MTPAP: variants seen among roughly 807,000 people sequenced by gnomAD.
MTPAP encodes the protein poly(A) RNA polymerase, mitochondrial.
Under a neutral mutation model 48.7 loss-of-function variants are expected in MTPAP, and 23 were observed. That is an observed-to-expected ratio of 0.47 (90% CI 0.34 to 0.67). MTPAP has a LOEUF of 0.67. MTPAP is among the 30% of genes least tolerant of loss of function. The pLI, the probability that MTPAP is intolerant of heterozygous loss-of-function variation, is 0.01. For synonymous variants in MTPAP, 257 were observed against 254.1 expected, an observed-to-expected ratio of 1.01 and a Z score of -0.11; for missense variants, 614 against 694.3, an observed-to-expected ratio of 0.88 and a Z score of 1.30.
At chr10:30,330,959 T>C (rs375459433) in intron 4 of MTPAP, among the ~76,000 whole-genome samples, 1 of 152,132 alleles carries the variant, frequency 6.6e-6, no homozygotes, top group African/African-American at 2.4e-5. Context: ...AACAGATAAA[T>C]AGGTGATGTG....
chr10:30,336,806 G>A lies in MTPAP; in HGVS notation c.777C>T (p.His259=), dbSNP rs751594619. Residue 259 remains histidine, a synonymous_variant, in exon 4 of 9, where the codon CAC becomes CAT. Coordinates refer to ENST00000263063, the MANE Select transcript of MTPAP (RefSeq NM_018109.4). The part of the protein sequence containing the change: ...DLDETRNLSA[H]KISGNFLMEF... Reference sequence around the variant, plus strand: ...TGGTCAAAAGAAATAGACTTACCTTGTGAGCGCTGAGGTTTCTGGTTTCAT... The same window carrying A: ...TGGTCAAAAGAAATAGACTTACCTTATGAGCGCTGAGGTTTCTGGTTTCAT... The A allele has an allele frequency of 1.3e-6, 2 of 1,598,770 alleles. No individual in the cohort carries two copies. Among genetic ancestry groups the A allele is most frequent in the African/African-American group, 2.7e-5 (2 of 74,686 alleles).
chr10:30,344,660 T>A (rs1384297270), intron 1 of MTPAP, among the ~76,000 whole-genome samples: 1 of 152,206 alleles, frequency 6.6e-6, no homozygotes, highest in African/African-American at 2.4e-5. Flanking sequence ...GAGTCTAAAC[T>A]GATGTCCAAC....
intron 1 of MTPAP, among the ~76,000 whole-genome samples, chr10:30,343,992 A>G (rs989457252): frequency 1.3e-5 from 2 of 151,788 alleles, no homozygotes; most frequent in Non-Finnish European, 2.9e-5. Flanking sequence ...CATTCACCCT[A>G]GTTTTGTTTT....
intron 5 of MTPAP, among the ~76,000 whole-genome samples, 162 bp downstream of exon 5, chr10:30,326,262 G>T (rs1047355501): frequency 6.6e-6 from 1 of 152,078 alleles, no homozygotes; most frequent in East Asian, 1.9e-4. Context: ...CAGGTATAAC[G>T]TAAGAGAAAA....
chr10:30,335,312 C>A (rs1007980903), intron 4 of MTPAP, among the ~76,000 whole-genome samples: 69 of 151,766 alleles, frequency 4.5e-4, no homozygotes, highest in Admixed American at 1.4e-3. Flanking sequence ...ATACGTGAAA[C>A]CCTGTCTCTA....
At position 30,340,328 on chromosome 10, in the gene MTPAP, C is replaced by G; in HGVS notation, c.453G>C (p.Leu151=). 1 of 1,614,152 alleles carries G rather than the reference C, an allele frequency of 6.2e-7. No individual in the cohort carries two copies. Among genetic ancestry groups the G allele is most frequent in the Non-Finnish European group, 8.5e-7 (1 of 1,180,006 alleles). ...AIPFRSRFFN[L]KLKNQTSERS... ...GTTCAGAAGTCTGGTTTTTCAACTT[C>G]AGATTGAAGAAACGTGATCTGAATG... The change falls in exon 3 of 9, where the codon CTG becomes CTC. Residue 151 remains leucine, a synonymous_variant. Transcript: ENST00000263063.
At chr10:30,344,075 T>C (rs1834843244) in intron 1 of MTPAP, among the ~76,000 whole-genome samples, 1 of 152,208 alleles carries the variant, frequency 6.6e-6, no homozygotes. Context: ...GTCTTATTCT[T>C]TGGCTTACCT....
intron 3 of MTPAP, 109 bp from the exon 4 acceptor site, chr10:30,337,136 T>C: frequency 3.1e-6 from 3 of 966,838 alleles, no homozygotes; most frequent in Admixed American, 3.9e-5. Context: ...ACCTTAGAAA[T>C]ATGCAAAGCC....
In MTPAP at chr10:30,316,039, G is replaced by A. The variant is rs201064853; in HGVS notation, c.1313-3C>T. The A allele has an allele frequency of 2.2e-4, 362 of 1,611,670 alleles. No homozygotes were observed. The highest frequency in any genetic ancestry group is 1.5e-3 in the Middle Eastern group (9 of 6,042). On this transcript the variant is annotated splice_region_variant and splice_polypyrimidine_tract_variant and intron_variant, in intron 7 of 8. Coordinates refer to ENST00000263063, the MANE Select transcript of MTPAP (RefSeq NM_018109.4). ...AAAAAATTCCTTCAGTAGTAATTCT[G>A]TAAGAAAATAAAACAAGGACAATCA...
At chr10:30,341,360 G>T in intron 2 of MTPAP, 108 bp downstream of exon 2, 1 of 1,399,924 alleles carries the variant, frequency 7.1e-7, no homozygotes. Context: ...GTATATCAAA[G>T]AGAACCTACC....
At chr10:30,316,674 G>A (rs1840666485) in intron 6 of MTPAP, among the ~76,000 whole-genome samples, 1 of 151,472 alleles carries the variant, frequency 6.6e-6, no homozygotes, top group African/African-American at 2.4e-5. Flanking sequence ...TAGATCACCT[G>A]AGGTCAGGAG....
intron 4 of MTPAP, among the ~76,000 whole-genome samples, chr10:30,335,486 T>C (rs1834720445): frequency 6.6e-6 from 1 of 151,922 alleles, no homozygotes; most frequent in African/African-American, 2.4e-5. Flanking sequence ...AGACTCTATC[T>C]CCAACAAAAA....
intron 6 of MTPAP, among the ~76,000 whole-genome samples, chr10:30,319,515 T>G (rs1171753387): frequency 6.6e-6 from 1 of 152,214 alleles, no homozygotes. Context: ...TTTGATTGTT[T>G]CACAGTTTAA....
chr10:30,311,043 TTA>T lies in MTPAP; in HGVS notation c.*2564_*2565del, dbSNP rs1403045690. 1 of 152,136 alleles carries T rather than the reference TTA, an allele frequency of 6.6e-6. No individual in the cohort carries two copies. 9.4% of individuals were successfully genotyped at this position (152,136 alleles called of 1,614,324 possible). A position where few individuals can be genotyped will look rare whatever the true frequency, so the allele number is the denominator to read the frequency against. On this transcript the variant is annotated 3_prime_UTR_variant, in exon 9 of 9. Coordinates refer to ENST00000263063, the MANE Select transcript of MTPAP (RefSeq NM_018109.4). ...GAAAATGCTAACCCATACACATACT[TTA>T]TGTGCTTAAATAACCATATTACACC... is the stretch of plus-strand genomic sequence containing the variant.
In MTPAP at chr10:30,312,906, A is replaced by C. The variant is rs576243812; in HGVS notation, c.*703T>G. 3 of 152,402 alleles carry C rather than the reference A, an allele frequency of 2.0e-5. No individual in the cohort carries two copies. In the East Asian group the frequency reaches 5.8e-4, roughly 29 times the overall value. 9.4% of individuals were successfully genotyped at this position (152,402 alleles called of 1,614,324 possible). The stretch of plus-strand genomic sequence containing the variant: ...TAAAATGCAATCTATTGATGTCATC[A>C]TATTTGGTTTGGAATACCTAAGAAT... On this transcript the variant is annotated 3_prime_UTR_variant, in exon 9 of 9. Coordinates refer to ENST00000263063, the MANE Select transcript of MTPAP (RefSeq NM_018109.4).
chr10:30,348,977 C>CAGAGG (rs1341798828), intron 1 of MTPAP, 142 bp downstream of exon 1: 11 of 1,254,624 alleles, frequency 8.8e-6, no homozygotes, highest in Non-Finnish European at 1.2e-5. Context: ...CTACAGAGAT[C>CAGAGG]AGAGGAGAGG....
At chr10:30,315,222 C>CA (rs11418482) in intron 8 of MTPAP, among the ~76,000 whole-genome samples, 106,255 of 152,000 alleles carry the variant, frequency 0.7, 37,499 homozygotes, top group Admixed American at 0.78. Context: ...TTTATTTTAA[C>CA]AAAGAGTCCA....
At chr10:30,330,089 T>C (rs11007989) in intron 4 of MTPAP, among the ~76,000 whole-genome samples, 17,478 of 152,208 alleles carry the variant, frequency 0.11, 1,836 homozygotes, top group East Asian at 0.53. Context: ...TCTATGTCTA[T>C]CATTTTATAA....
At chr10:30,337,667 T>C (rs1231603443) in intron 3 of MTPAP, among the ~76,000 whole-genome samples, 1 of 152,206 alleles carries the variant, frequency 6.6e-6, no homozygotes, top group Non-Finnish European at 1.5e-5. Context: ...ATTAAAACTT[T>C]GTAAGCGATG....
Sources: gnomAD v4.1 joint callset for allele counts (sites outside exome capture counted in the v4.1 genomes callset) on GRCh38, gnomAD v4.1.1 for gene constraint, MANE v1.5 for transcripts, NCBI Gene and HGNC (gene_info 2026-07-23, HGNC 2026-07-21) for gene names.